ELAVL2: variants seen among roughly 807,000 people sequenced by gnomAD.
ELAVL2 encodes ELAV-like protein 2.
In ELAVL2, 4 loss-of-function variants were observed where a neutral mutation model predicts 34.6. The ratio of observed to expected loss-of-function variants is 0.12; its 90% CI spans 0.06 to 0.26. The LOEUF is 0.26. ELAVL2 is among the 10% of genes least tolerant of loss of function. ELAVL2 has a pLI of 1.00. For missense variants in ELAVL2, 432 were observed against 442.8 expected, an observed-to-expected ratio of 0.98 and a Z score of 0.22; for synonymous variants, 193 against 154.8, an observed-to-expected ratio of 1.25 and a Z score of -1.83.
intron 1 of ELAVL2, among the ~76,000 whole-genome samples, chr9:23,804,615 G>T (rs985166225): frequency 1.3e-5 from 2 of 152,170 alleles, no homozygotes; most frequent in Non-Finnish European, 2.9e-5. Context: ...TAAATTTAAA[G>T]ATAGAAATTG....
chr9:23,762,025 A>C lies in ELAVL2; in HGVS notation c.210T>G (p.Leu70=), dbSNP rs1396756246. 6.8e-6 allele frequency: 11 copies of C among 1,612,458 alleles called. No homozygotes were observed. The highest frequency in any genetic ancestry group is 9.3e-6 in the Non-Finnish European group (11 of 1,179,092). The change falls in exon 2 of 7, where the codon CTT becomes CTG. Residue 70 remains leucine (L), a synonymous_variant. Coordinates refer to ENST00000397312, the MANE Select transcript of ELAVL2 (RefSeq NM_004432.5). Reference sequence around the variant, plus strand: ...GCTTACCTGTTATTTTGTCTCTTACAAGCTTACAGGACTCTATTTCACCAA... The same window carrying C: ...GCTTACCTGTTATTTTGTCTCTTACCAGCTTACAGGACTCTATTTCACCAA... The part of the protein sequence containing the change: ...GSIGEIESCK[L]VRDKITGQSL...
chr9:23,696,964 A>G (rs1380104616), intron 5 of ELAVL2, among the ~76,000 whole-genome samples: 1 of 151,866 alleles, frequency 6.6e-6, no homozygotes, highest in Non-Finnish European at 1.5e-5. Flanking sequence ...AGTATTTTTT[A>G]CTTATATTTA....
At chr9:23,747,076 C>CAGGGG (rs2050684744) in intron 2 of ELAVL2, among the ~76,000 whole-genome samples, 1 of 152,074 alleles carries the variant, frequency 6.6e-6, no homozygotes, top group Non-Finnish European at 1.5e-5. Flanking sequence ...AGTCCTCCAC[C>CAGGGG]CCCTACCTTA....
intron 3 of ELAVL2, among the ~76,000 whole-genome samples, chr9:23,716,242 C>G (rs571483527): frequency 1.3e-5 from 2 of 151,716 alleles, no homozygotes; most frequent in African/African-American, 4.9e-5. Flanking sequence ...TGCAGCACAC[C>G]AACATGGCAC....
intron 4 of ELAVL2, among the ~76,000 whole-genome samples, chr9:23,702,780 G>A (rs1330762610): frequency 6.6e-6 from 1 of 151,536 alleles, no homozygotes; most frequent in African/African-American, 2.4e-5. Flanking sequence ...TAAGAAAATT[G>A]CAGGGTTTCA....
intron 1 of ELAVL2, among the ~76,000 whole-genome samples, chr9:23,776,534 G>A (rs1249403067): frequency 6.6e-6 from 1 of 151,990 alleles, no homozygotes; most frequent in Non-Finnish European, 1.5e-5. Flanking sequence ...CTGATCTACT[G>A]CATGTACCAA....
chr9:23,718,107 C>T (rs1432636225), intron 3 of ELAVL2, among the ~76,000 whole-genome samples: 1 of 151,978 alleles, frequency 6.6e-6, no homozygotes, highest in Non-Finnish European at 1.5e-5. Flanking sequence ...ATAATAAAGC[C>T]CTAAGGGGTG....
rs1478752737 is a variant in ELAVL2 at position 23,826,204 on chromosome 9, C to T, written c.-414G>A. ...TCGCTACAGGAGTAAGCTGCTGCAT[C>T]TCTAACTAAGAACAGAAATAGGGGG... On this transcript the variant is annotated 5_prime_UTR_variant, in exon 1 of 7. Transcript: ENST00000397312. 1 of 152,238 alleles carries T rather than the reference C, an allele frequency of 6.6e-6. No homozygotes were observed. The highest frequency in any genetic ancestry group is 2.4e-5 in the African/African-American group (1 of 41,458). The allele number at this position is 152,238 out of a possible 1,614,324, so 9.4% of individuals were successfully genotyped here.
intron 1 of ELAVL2, chr9:23,783,382 G>A (rs1248036018): frequency 4.2e-6 from 4 of 947,912 alleles, no homozygotes; most frequent in Non-Finnish European, 5.0e-6. Context: ...AAGGAAAACC[G>A]AAAGTTAAAC....
chr9:23,696,194 G>C (rs1041856239), intron 5 of ELAVL2, among the ~76,000 whole-genome samples: 10 of 151,846 alleles, frequency 6.6e-5, no homozygotes, highest in Admixed American at 5.2e-4. Context: ...ACAGTGCCCA[G>C]GCACTGCTGA....
chr9:23,738,867 C>G (rs2048492517), intron 2 of ELAVL2, among the ~76,000 whole-genome samples: 1 of 152,116 alleles, frequency 6.6e-6, no homozygotes, highest in African/African-American at 2.4e-5. Flanking sequence ...CCATATCTGT[C>G]CCCTGATTAT....
At chr9:23,795,085 A>G (rs2060755013) in intron 1 of ELAVL2, among the ~76,000 whole-genome samples, 1 of 152,222 alleles carries the variant, frequency 6.6e-6, no homozygotes, top group Admixed American at 6.5e-5. Context: ...TGCTCTTCAG[A>G]CATTAAAAAA....
chr9:23,732,253 AG>A (rs1228059510), intron 2 of ELAVL2, among the ~76,000 whole-genome samples: 3 of 152,202 alleles, frequency 2.0e-5, no homozygotes, highest in Non-Finnish European at 4.4e-5. Flanking sequence ...GTGGGTTTTT[AG>A]GACAGCTACT....
chr9:23,806,512 C>T (rs1345842828), intron 1 of ELAVL2, among the ~76,000 whole-genome samples: 1 of 151,916 alleles, frequency 6.6e-6, no homozygotes, highest in Non-Finnish European at 1.5e-5. Context: ...TAAAGCATGC[C>T]TATAGACCCA....
At chr9:23,794,516 G>C (rs750944528) in intron 1 of ELAVL2, among the ~76,000 whole-genome samples, 6 of 152,140 alleles carry the variant, frequency 3.9e-5, no homozygotes, top group Non-Finnish European at 7.4e-5. Context: ...ATCCATACTG[G>C]ATAGACAGCC....
intron 3 of ELAVL2, among the ~76,000 whole-genome samples, chr9:23,720,481 A>G (rs2043395288): frequency 6.6e-6 from 1 of 152,150 alleles, no homozygotes; most frequent in African/African-American, 2.4e-5. Flanking sequence ...CACCCATTTT[A>G]AATGGATAGG....
the ELAVL2 span, among the ~76,000 whole-genome samples, chr9:23,841,489 G>GGTTTAAGAATTGTTATACCCTCTCTCTAA: frequency 8.4e-4 from 128 of 152,150 alleles, no homozygotes; most frequent in Middle Eastern, 0.01. Context: ...CCTCTCTCTA[G>GGTTTAAGAATTGTTATACCCTCTCTCTAA]GTTTAAGAAT....
chr9:23,720,074 G>A (rs960961994), intron 3 of ELAVL2, among the ~76,000 whole-genome samples: 7 of 151,814 alleles, frequency 4.6e-5, no homozygotes, highest in South Asian at 2.1e-4. Flanking sequence ...TGATCCACCC[G>A]CCTCAGCCTC....
At position 23,728,698 on chromosome 9, in the gene ELAVL2, A is replaced by C. The variant is rs2045843461; in HGVS notation, c.333+2324T>G. Among the ~76,000 whole-genome samples, 3 of 152,122 alleles carry C rather than the reference A, an allele frequency of 2.0e-5. No homozygotes were observed. The South Asian group carries it at 6.2e-4, about 31-fold the overall frequency. ...CTTCCAAAACATTCTTAAAGCTGTG[A>C]ATACTAGAAAAACTTGGCTCAAGAC... On this transcript the variant is annotated intron_variant, in intron 3 of 6. Coordinates refer to ENST00000397312, the MANE Select transcript of ELAVL2 (RefSeq NM_004432.5).
Sources: allele counts gnomAD v4.1 joint callset (sites outside exome capture counted in the v4.1 genomes callset), GRCh38; gene constraint gnomAD v4.1.1; transcripts MANE v1.5; gene names NCBI Gene and HGNC (gene_info 2026-07-23, HGNC 2026-07-21).